Variants in PPP3CA observed in about 807,000 individuals in gnomAD.
The protein encoded by PPP3CA is CAM-PRP catalytic subunit.
In PPP3CA, 14 loss-of-function variants were observed where a neutral mutation model predicts 66.5. The observed-to-expected ratio is 0.21, with a 90% CI of 0.14 to 0.33. The LOEUF (loss-of-function observed/expected upper bound fraction) is 0.33. Among genes scored for constraint, PPP3CA ranks in the 10% least tolerant of loss-of-function variants. The pLI is 1.00. For synonymous variants in PPP3CA, 232 were observed against 226.2 expected, an observed-to-expected ratio of 1.03 and a Z score of -0.23; for missense variants, 317 against 639.5, an observed-to-expected ratio of 0.50 and a Z score of 5.44.
At chr4:101,046,822 G>A (rs1727786585) in intron 10 of PPP3CA, among the ~76,000 whole-genome samples, 1 of 152,058 alleles carries the variant, frequency 6.6e-6, no homozygotes, top group African/African-American at 2.4e-5. Context: ...TGAAGCATAA[G>A]GTATTGAGAT....
intron 12 of PPP3CA, among the ~76,000 whole-genome samples, chr4:101,031,350 T>TTTAA (rs1175805916): frequency 1.3e-5 from 2 of 152,112 alleles, no homozygotes; most frequent in African/African-American, 2.4e-5. Context: ...ATATTTTCAT[T>TTTAA]TTAATTTTTT....
rs2110349925 is a variant in PPP3CA at position 101,347,178 on chromosome 4, A to G, written c.-382T>C. 1 of 365,968 alleles carries G rather than the reference A, an allele frequency of 2.7e-6. No individual in the cohort carries two copies. Among genetic ancestry groups the G allele is most frequent in the South Asian group, 2.4e-5 (1 of 42,288 alleles). 22.7% of individuals were successfully genotyped at this position (365,968 alleles called of 1,614,324 possible). A position where few individuals can be genotyped will look rare whatever the true frequency, so the allele number is the denominator to read the frequency against. On this transcript the variant is annotated 5_prime_UTR_variant, in exon 1 of 14. Coordinates refer to ENST00000394854, the MANE Select transcript of PPP3CA (RefSeq NM_000944.5). ...CCGGCACGGAGACCCAGCACCGCGG[A>G]ATGGAGCCCCACGCGCGCACACACG...
At chr4:101,061,252 T>C in intron 9 of PPP3CA, 91 bp from the exon 10 acceptor site, 1 of 1,070,414 alleles carries the variant, frequency 9.3e-7, no homozygotes, top group South Asian at 1.3e-5. Context: ...AACTTAGCAA[T>C]AACATTTCTT....
chr4:101,321,508 T>C (rs929536380), intron 1 of PPP3CA, among the ~76,000 whole-genome samples: 10 of 152,212 alleles, frequency 6.6e-5, no homozygotes, highest in African/African-American at 2.4e-4. Flanking sequence ...CAGATGAGAA[T>C]GAATGTCATT....
chr4:101,037,197 T>C (rs1727292273), intron 11 of PPP3CA, among the ~76,000 whole-genome samples: 1 of 152,124 alleles, frequency 6.6e-6, no homozygotes, highest in South Asian at 2.1e-4. Flanking sequence ...AATGCTGAGG[T>C]GGAAGCTCTT....
chr4:101,208,360 TCAACAACCAC>T (rs1460407675), intron 1 of PPP3CA, among the ~76,000 whole-genome samples: 1 of 152,164 alleles, frequency 6.6e-6, no homozygotes, highest in Non-Finnish European at 1.5e-5. Flanking sequence ...CCCATTGTTC[TCAACAACCAC>T]AGCGCAGTTC....
chr4:101,128,796 G>A (rs1376822377), intron 2 of PPP3CA, among the ~76,000 whole-genome samples: 1 of 152,086 alleles, frequency 6.6e-6, no homozygotes, highest in Non-Finnish European at 1.5e-5. Flanking sequence ...AAGGGCCCTG[G>A]GTTTCAAGCA....
intron 1 of PPP3CA, among the ~76,000 whole-genome samples, chr4:101,346,260 G>A (rs1428654073): frequency 6.6e-6 from 1 of 152,170 alleles, no homozygotes; most frequent in East Asian, 1.9e-4. Context: ...CCCAAGTGAG[G>A]CAGTCGGTGG....
In PPP3CA at chr4:101,268,571, C is replaced by T. The variant is rs186913943; in HGVS notation, c.59-72455G>A. On this transcript the variant is annotated intron_variant, in intron 1 of 13. Transcript: ENST00000394854. ...GGACAGTCAACAATACATAGAGTAA[C>T]ACTGTATTTAACTGCTAATGAACTA... is the stretch of plus-strand genomic sequence containing the variant. Among the ~76,000 whole-genome samples, 363 of 152,212 alleles carry T rather than the reference C, an allele frequency of 2.4e-3. 2 individuals are homozygous for T. The highest frequency in any genetic ancestry group is 8.5e-3 in the African/African-American group (355 of 41,526).
intron 2 of PPP3CA, among the ~76,000 whole-genome samples, chr4:101,111,971 T>C (rs1054555976): frequency 6.6e-6 from 1 of 152,248 alleles, no homozygotes; most frequent in Middle Eastern, 3.4e-3. Flanking sequence ...TTCTAAAGCA[T>C]CTTCTTCCTT....
intron 2 of PPP3CA, among the ~76,000 whole-genome samples, chr4:101,149,648 C>A (rs939443801): frequency 2.0e-5 from 3 of 152,078 alleles, no homozygotes; most frequent in Non-Finnish European, 4.4e-5. Flanking sequence ...GAGAACTGAG[C>A]AGTGCAAACT....
intron 3 of PPP3CA, among the ~76,000 whole-genome samples, chr4:101,107,752 C>T (rs547031039): frequency 6.6e-6 from 1 of 152,162 alleles, no homozygotes; most frequent in South Asian, 2.1e-4. Flanking sequence ...CCTTAAATAT[C>T]CCTTTAGCAA....
At chr4:101,151,423 G>A (rs1723133749) in intron 2 of PPP3CA, among the ~76,000 whole-genome samples, 1 of 151,670 alleles carries the variant, frequency 6.6e-6, no homozygotes, top group Admixed American at 6.6e-5. Flanking sequence ...AGCTGAGCGT[G>A]GTGGCGGACT....
chr4:101,253,106 T>C (rs942584783), intron 1 of PPP3CA, among the ~76,000 whole-genome samples: 1 of 152,136 alleles, frequency 6.6e-6, no homozygotes, highest in Non-Finnish European at 1.5e-5. Flanking sequence ...CAACATTTCA[T>C]AGACCAAATA....
chr4:101,230,303 T>C (rs947269348), intron 1 of PPP3CA, among the ~76,000 whole-genome samples: 1 of 151,602 alleles, frequency 6.6e-6, no homozygotes, highest in Non-Finnish European at 1.5e-5. Flanking sequence ...TCACCTCTAC[T>C]TGAATTACAT....
chr4:101,268,204 T>C (rs898758509), intron 1 of PPP3CA, among the ~76,000 whole-genome samples: 1 of 151,952 alleles, frequency 6.6e-6, no homozygotes, highest in African/African-American at 2.4e-5. Flanking sequence ...ATAACAATAA[T>C]AAAAATCAAT....
At chr4:101,060,559 T>C (rs1560582690) in intron 10 of PPP3CA, among the ~76,000 whole-genome samples, 2 of 152,110 alleles carry the variant, frequency 1.3e-5, no homozygotes, top group South Asian at 2.1e-4. Flanking sequence ...CCAAGTAATA[T>C]CTTAAAAAAC....
At chr4:101,027,262 G>GA (rs79492334) in intron 13 of PPP3CA, among the ~76,000 whole-genome samples, 82 of 139,554 alleles carry the variant, frequency 5.9e-4, no homozygotes, top group Admixed American at 9.3e-4. Flanking sequence ...ATTTGGGGGG[G>GA]AAAAAAAAAA....
intron 1 of PPP3CA, among the ~76,000 whole-genome samples, chr4:101,319,327 T>C (rs566377348): frequency 6.6e-6 from 1 of 152,188 alleles, no homozygotes; most frequent in Admixed American, 6.5e-5. Flanking sequence ...TTTTAACCTA[T>C]TGATTTGTGG....
Sources: gnomAD v4.1 joint callset for allele counts (sites outside exome capture counted in the v4.1 genomes callset) on GRCh38, gnomAD v4.1.1 for gene constraint, MANE v1.5 for transcripts, NCBI Gene and HGNC (gene_info 2026-07-23, HGNC 2026-07-21) for gene names.